GNG2: variants seen among roughly 807,000 people sequenced by gnomAD.
GNG2 encodes G protein subunit gamma 2.
A neutral mutation model predicts 5.5 loss-of-function variants in GNG2; 5 were observed. That is an observed-to-expected ratio of 0.91 (90% CI 0.48 to 1.92). The LOEUF (loss-of-function observed/expected upper bound fraction) is 1.92, where lower values mean the gene tolerates loss of function less well. GNG2 is among the 30% of genes most tolerant of loss of function. GNG2 has a pLI of 0.01. For synonymous variants in GNG2, 28 were observed against 32.0 expected, an observed-to-expected ratio of 0.88 and a Z score of 0.42; for missense variants, 55 against 88.4, an observed-to-expected ratio of 0.62 and a Z score of 1.52.
intron 3 of GNG2, among the ~76,000 whole-genome samples, chr14:51,957,303 T>A (rs1442290464): frequency 1.3e-5 from 2 of 152,182 alleles, no homozygotes; most frequent in African/African-American, 4.8e-5. Context: ...AAAATTTGAT[T>A]TTTTTCTCAA....
chr14:51,938,871 G>C lies in GNG2; in HGVS notation c.-29-11779G>C, dbSNP rs181839578. On this transcript the variant is annotated intron_variant, in intron 2 of 3. Coordinates refer to ENST00000556766, the MANE Select transcript of GNG2 (RefSeq NM_053064.5). ...GAACTACAGGGGTTGCCTGAGGTTTGAGAGACACTGAGGATTTAGGATGGA... is the reference window on the plus strand; with the variant it reads ...GAACTACAGGGGTTGCCTGAGGTTTCAGAGACACTGAGGATTTAGGATGGA... Among the ~76,000 whole-genome samples, 45 of 152,332 alleles carry C rather than the reference G, an allele frequency of 3.0e-4. No homozygotes were observed. In the East Asian group the frequency reaches 6.8e-3, roughly 23 times the overall value.
At chr14:51,886,403 A>T (rs1188778570) in intron 2 of GNG2, among the ~76,000 whole-genome samples, 6 of 152,210 alleles carry the variant, frequency 3.9e-5, no homozygotes, top group Non-Finnish European at 8.8e-5. Context: ...TATTAATCCC[A>T]TGAATGTCAG....
intron 1 of GNG2, among the ~76,000 whole-genome samples, chr14:51,869,944 C>T (rs1883187715): frequency 6.6e-6 from 1 of 152,146 alleles, no homozygotes; most frequent in East Asian, 1.9e-4. Context: ...CCTCCCGAGG[C>T]CATGGAGCAG....
intron 2 of GNG2, among the ~76,000 whole-genome samples, chr14:51,910,820 G>C (rs1886245252): frequency 6.6e-6 from 1 of 152,172 alleles, no homozygotes; most frequent in South Asian, 2.1e-4. Context: ...ACCTTAATCT[G>C]TCTCCCCATT....
chr14:51,827,862 T>A, intron 2 of GNG2: 1 of 629,740 alleles, frequency 1.6e-6, no homozygotes, highest in Non-Finnish European at 2.8e-6. Context: ...AACGTTGAAG[T>A]GTTTATTCTC....
chr14:51,878,202 GAT>G (rs1190536297), intron 2 of GNG2, among the ~76,000 whole-genome samples: 1 of 152,142 alleles, frequency 6.6e-6, no homozygotes, highest in Non-Finnish European at 1.5e-5. Context: ...AGACTTGAAA[GAT>G]AACCATAATC....
At chr14:51,872,188 A>G (rs1883347057) in intron 1 of GNG2, among the ~76,000 whole-genome samples, 1 of 152,226 alleles carries the variant, frequency 6.6e-6, no homozygotes, top group African/African-American at 2.4e-5. Context: ...AGTTGTTGCC[A>G]CAGTATAACC....
At chr14:51,860,038 C>A (rs773242619), upstream of GNG2, among the ~76,000 whole-genome samples, 1 of 152,056 alleles carries the variant, frequency 6.6e-6, no homozygotes, top group Non-Finnish European at 1.5e-5. Context: ...GGTAGTGGGA[C>A]CTTGGAGAAA....
chr14:51,942,469 C>G (rs1022810685), intron 2 of GNG2, among the ~76,000 whole-genome samples: 1 of 152,068 alleles, frequency 6.6e-6, no homozygotes, highest in African/African-American at 2.4e-5. Flanking sequence ...AGAGGCAGTA[C>G]CTTCCTGGTT....
intron 3 of GNG2, among the ~76,000 whole-genome samples, chr14:51,957,163 C>A (rs1454675342): frequency 6.6e-6 from 1 of 152,254 alleles, no homozygotes; most frequent in South Asian, 2.1e-4. Flanking sequence ...GTAGATCCCA[C>A]CTCTCTAACC....
At chr14:51,861,014 A>G (rs1193800120) in intron 1 of GNG2, among the ~76,000 whole-genome samples, 1 of 152,130 alleles carries the variant, frequency 6.6e-6, no homozygotes, top group Non-Finnish European at 1.5e-5. Context: ...AAACAGGCCA[A>G]CATGCTAAAT....
At chr14:51,870,199 G>A (rs966199562) in intron 1 of GNG2, among the ~76,000 whole-genome samples, 1 of 151,662 alleles carries the variant, frequency 6.6e-6, no homozygotes, top group Admixed American at 6.6e-5. Flanking sequence ...CTTGTTTTTG[G>A]CTATATAACA....
chr14:51,882,043 G>T (rs1314141377), intron 2 of GNG2, among the ~76,000 whole-genome samples: 1 of 152,048 alleles, frequency 6.6e-6, no homozygotes. Flanking sequence ...AACACATCAA[G>T]TTCTTATGCT....
chr14:51,962,628 G>C (rs1287541404), intron 3 of GNG2, among the ~76,000 whole-genome samples: 1 of 152,148 alleles, frequency 6.6e-6, no homozygotes, highest in East Asian at 1.9e-4. Context: ...GTATGAACTG[G>C]GGTAGCTGCA....
At chr14:51,831,419 G>A (rs2140070483) in intron 2 of GNG2, among the ~76,000 whole-genome samples, 1 of 152,290 alleles carries the variant, frequency 6.6e-6, no homozygotes, top group Non-Finnish European at 1.5e-5. Flanking sequence ...CACATGTACT[G>A]TGCTCAATAC....
At chr14:51,873,090 A>G (rs1175238241) in intron 1 of GNG2, among the ~76,000 whole-genome samples, 1 of 152,238 alleles carries the variant, frequency 6.6e-6, no homozygotes, top group Non-Finnish European at 1.5e-5. Context: ...CCTGAAGTTT[A>G]AATTGATTAA....
At chr14:51,872,017 C>A (rs1408733550) in intron 1 of GNG2, among the ~76,000 whole-genome samples, 1 of 152,196 alleles carries the variant, frequency 6.6e-6, no homozygotes, top group Non-Finnish European at 1.5e-5. Flanking sequence ...GCCATAAGAA[C>A]CGGCAGGTGA....
chr14:51,894,074 T>G (rs1885031924), intron 2 of GNG2, among the ~76,000 whole-genome samples: 1 of 113,818 alleles, frequency 8.8e-6, no homozygotes, highest in Admixed American at 7.7e-5. Flanking sequence ...TTGTTTGACA[T>G]TTTTTCCATA....
In GNG2 at chr14:51,968,592, A is replaced by T. The variant is rs373844758; in HGVS notation, c.*1905A>T. 12 of 152,288 alleles carry T rather than the reference A, an allele frequency of 7.9e-5. No homozygotes were observed. The East Asian group carries it at 1.9e-3, about 24-fold the overall frequency. The allele number at this position is 152,288 out of a possible 1,614,324, so 9.4% of individuals were successfully genotyped here. On this transcript the variant is annotated 3_prime_UTR_variant, in exon 4 of 4. Coordinates refer to ENST00000556766, the MANE Select transcript of GNG2 (RefSeq NM_053064.5). Reference sequence around the variant, plus strand: ...CCAGATACTTCTGTTCTTCTGTTCAAATTGTGGGGTTTTTGTTACAGTTAG... The same window carrying T: ...CCAGATACTTCTGTTCTTCTGTTCATATTGTGGGGTTTTTGTTACAGTTAG...
Sources: gnomAD v4.1 joint callset for allele counts (sites outside exome capture counted in the v4.1 genomes callset) on GRCh38, gnomAD v4.1.1 for gene constraint, MANE v1.5 for transcripts, NCBI Gene and HGNC (gene_info 2026-07-23, HGNC 2026-07-21) for gene names.